Variants in ZNF596 observed in about 807,000 individuals in gnomAD.
The protein encoded by ZNF596 is zinc finger protein 596.
In ZNF596, 45 loss-of-function variants were observed where a neutral mutation model predicts 48.3. The ratio of observed to expected loss-of-function variants is 0.93; its 90% confidence interval spans 0.73 to 1.19. The LOEUF is 1.19. ZNF596 is among the 50% of genes most tolerant of loss of function. The pLI is 0.00. For synonymous variants in ZNF596, 270 were observed against 202.0 expected, an observed-to-expected ratio of 1.34 and a Z score of -2.85; for missense variants, 848 against 599.7, an observed-to-expected ratio of 1.41 and a Z score of -4.32.
In ZNF596 at chr8:246,690, T is replaced by C. The variant is rs1369083490; in HGVS notation, c.*328T>C. On this transcript the variant is annotated 3_prime_UTR_variant, in exon 6 of 6. Coordinates refer to ENST00000398612, the MANE Select transcript of ZNF596 (RefSeq NM_001042416.3). ...GTCAGTGTGAAAATGCCTTTGCTGATAATTTATCCTCTAAACAAATGAGTA... is the reference window on the plus strand; with the variant it reads ...GTCAGTGTGAAAATGCCTTTGCTGACAATTTATCCTCTAAACAAATGAGTA... 1 of 220,246 alleles carries C rather than the reference T, an allele frequency of 4.5e-6. No individual in the cohort carries two copies. Among genetic ancestry groups the C allele is most frequent in the Non-Finnish European group, 8.9e-6 (1 of 111,958 alleles). The allele number at this position is 220,246 out of a possible 1,614,324, so 13.6% of individuals were successfully genotyped here.
At chr8:234,896 T>G (rs1161775217) in intron 1 of ZNF596, 1 of 152,192 alleles carries the variant, frequency 6.6e-6, no homozygotes, top group African/African-American at 2.4e-5. Flanking sequence ...GTCAGATCTT[T>G]GTTGACCATG....
chr8:239,044 G>C (rs1028111874), intron 1 of ZNF596, among the ~76,000 whole-genome samples: 14 of 152,134 alleles, frequency 9.2e-5, no homozygotes, highest in Non-Finnish European at 2.9e-5. Flanking sequence ...TTCAAGAGCT[G>C]ACTTGATCAA....
chr8:234,957 C>G (rs1470288944), intron 1 of ZNF596: 1 of 152,114 alleles, frequency 6.6e-6, no homozygotes, highest in African/African-American at 2.4e-5. Flanking sequence ...GAATATCTGA[C>G]AAATCCTGGA....
chr8:246,509 T>C lies in ZNF596; in HGVS notation c.*147T>C. 9.8e-7 allele frequency: 1 copy of C among 1,024,676 alleles called. No individual in the cohort carries two copies. Among genetic ancestry groups the C allele is most frequent in the Non-Finnish European group, 1.4e-6 (1 of 727,574 alleles). 63.5% of individuals were successfully genotyped at this position (1,024,676 alleles called of 1,614,324 possible). A position where few individuals can be genotyped will look rare whatever the true frequency, so the allele number is the denominator to read the frequency against. ...GAATTCAAGGTAGAGAGAATCCAGA[T>C]GTATTTAATGTTTATGGCACAAACT... On this transcript the variant is annotated 3_prime_UTR_variant, in exon 6 of 6. Transcript: ENST00000398612.
intron 2 of ZNF596, 36 bp from the exon 3 acceptor site, chr8:242,851 A>T (rs777910705): frequency 2.8e-6 from 4 of 1,448,032 alleles, no homozygotes; most frequent in Non-Finnish European, 3.7e-6. Context: ...TGGCAGAGAT[A>T]GCCCTGTTTG....
chr8:238,767 GT>G (rs1394683418), intron 1 of ZNF596, among the ~76,000 whole-genome samples: 1 of 151,590 alleles, frequency 6.6e-6, no homozygotes, highest in Non-Finnish European at 1.5e-5. Context: ...GTATCGTGCC[GT>G]TGCACTACAG....
intron 4 of ZNF596, chr8:244,285 T>A (rs995796474): frequency 7.2e-6 from 2 of 278,160 alleles, no homozygotes; most frequent in Non-Finnish European, 1.3e-5. Context: ...TAGGTATCAA[T>A]TTTTATTCAA....
intron 4 of ZNF596, chr8:244,386 G>C (rs757858047): frequency 1.9e-6 from 1 of 531,204 alleles, no homozygotes; most frequent in Non-Finnish European, 3.3e-6. Context: ...CTTTATAATG[G>C]TCCTCTTCTT....
intron 1 of ZNF596, chr8:234,944 C>G (rs1379323362): frequency 1.3e-5 from 2 of 152,276 alleles, no homozygotes; most frequent in Non-Finnish European, 2.9e-5. Flanking sequence ...GAATTAATGT[C>G]AGGAATATCT....
At chr8:241,176 ATCAT>A (rs1796840275) in intron 2 of ZNF596, among the ~76,000 whole-genome samples, 1 of 152,206 alleles carries the variant, frequency 6.6e-6, no homozygotes, top group South Asian at 2.1e-4. Flanking sequence ...TCTCAGGGAA[ATCAT>A]TCATTACGAG....
chr8:234,232 T>A (rs1314472204), intron 1 of ZNF596: 1 of 152,248 alleles, frequency 6.6e-6, no homozygotes, highest in East Asian at 1.9e-4. Flanking sequence ...CTTCAGGCTC[T>A]GTGACTAAAA....
At chr8:242,281 G>A (rs1340045857) in intron 2 of ZNF596, among the ~76,000 whole-genome samples, 1 of 147,656 alleles carries the variant, frequency 6.8e-6, no homozygotes, top group Non-Finnish European at 1.5e-5. Context: ...GGCTGCATCT[G>A]CTGATACCAA....
At chr8:243,888 A>G (rs1584912804) in intron 4 of ZNF596, 83 bp downstream of exon 4, 1 of 1,239,546 alleles carries the variant, frequency 8.1e-7, no homozygotes, top group East Asian at 2.4e-5. Context: ...TGCCAAAGGA[A>G]GATTTCTTTT....
At position 240,831 on chromosome 8, in the gene ZNF596, T is replaced by C; in HGVS notation, c.-65T>C. ...GTTTTTGTTTTTGCTCAGATTTGTC[T>C]TCTTAGTGCTTGGATGGTGTGAGTG... On this transcript the variant is annotated 5_prime_UTR_variant, in exon 2 of 6. Coordinates refer to ENST00000398612, the MANE Select transcript of ZNF596 (RefSeq NM_001042416.3). 2 of 1,603,158 alleles carry C rather than the reference T, an allele frequency of 1.2e-6. No homozygotes were observed. Among genetic ancestry groups the C allele is most frequent in the African/African-American group, 1.3e-5 (1 of 74,794 alleles).
intron 3 of ZNF596, chr8:243,314 A>T: frequency 7.0e-6 from 2 of 286,592 alleles, no homozygotes; most frequent in Non-Finnish European, 1.3e-5. Flanking sequence ...TGGTATGCAT[A>T]AATAAATGTA....
Position 240,976 on chromosome 8 carries a change from T to C in ZNF596, c.12+69T>C, listed in dbSNP as rs79892186. On this transcript the variant is annotated intron_variant, in intron 2 of 5. Transcript: ENST00000398612. ...TACCAGCCTAAGGGCAGATTCATCC[T>C]ATTAACATGGATGTTCTAAGTGCAC... is the stretch of plus-strand genomic sequence containing the variant. 813 of 1,562,432 alleles carry C rather than the reference T, an allele frequency of 5.2e-4. 8 individuals are homozygous for C. The East Asian group carries it at 0.016, about 31-fold the overall frequency.
In ZNF596 at chr8:246,955, AATAG is replaced by A. The variant is rs1254103039; in HGVS notation, c.*596_*599del. The A allele has an allele frequency of 6.5e-6, 1 of 153,050 alleles. No individual in the cohort carries two copies. The highest frequency in any genetic ancestry group is 1.9e-4 in the East Asian group (1 of 5,204). The allele number at this position is 153,050 out of a possible 1,614,324, so 9.5% of individuals were successfully genotyped here. A position where few individuals can be genotyped will look rare whatever the true frequency, so the allele number is the denominator to read the frequency against. On this transcript the variant is annotated 3_prime_UTR_variant, in exon 6 of 6. Transcript: ENST00000398612. Reference sequence around the variant, plus strand: ...TTTCTTAATACAGCAGCACTTCTATAATAGATCAGAATTCACATGGTGTAGAACT... The same window carrying A: ...TTTCTTAATACAGCAGCACTTCTATAATCAGAATTCACATGGTGTAGAACT...
At chr8:235,378 A>G (rs1297562607) in intron 1 of ZNF596, among the ~76,000 whole-genome samples, 2 of 152,196 alleles carry the variant, frequency 1.3e-5, no homozygotes, top group Admixed American at 1.3e-4. Flanking sequence ...TTATAATGTA[A>G]TATATTCTAG....
At chr8:236,339 G>C (rs977454544) in intron 1 of ZNF596, among the ~76,000 whole-genome samples, 2 of 152,028 alleles carry the variant, frequency 1.3e-5, no homozygotes, top group Non-Finnish European at 2.9e-5. Flanking sequence ...ACTTTTTCAA[G>C]TTTACAGTCA....
Sources: allele counts gnomAD v4.1 joint callset (sites outside exome capture counted in the v4.1 genomes callset), GRCh38; gene constraint gnomAD v4.1.1; transcripts MANE v1.5; gene names NCBI Gene and HGNC (gene_info 2026-07-23, HGNC 2026-07-21).